SMYD3: variants seen among roughly 807,000 people sequenced by gnomAD.
SMYD3 encodes the protein histone-lysine N-methyltransferase SMYD3.
In SMYD3, 36 loss-of-function variants were observed where a neutral mutation model predicts 57.7. The ratio of observed to expected loss-of-function variants is 0.62; its 90% CI spans 0.48 to 0.82. The LOEUF is 0.82. Among genes scored for constraint, SMYD3 ranks in the 40% least tolerant of loss-of-function variants. SMYD3 has a pLI of 0.00. For missense variants in SMYD3, 515 were observed against 538.8 expected, an observed-to-expected ratio of 0.96 and a Z score of 0.44; for synonymous variants, 211 against 195.0, an observed-to-expected ratio of 1.08 and a Z score of -0.68.
At chr1:245,930,832 A>G (rs1024241953) in intron 5 of SMYD3, 5 of 152,210 alleles carry the variant, frequency 3.3e-5, no homozygotes, top group African/African-American at 1.2e-4. Context: ...AATGCCAAGG[A>G]GAGAAACAAG....
intron 5 of SMYD3, among the ~76,000 whole-genome samples, chr1:246,045,373 A>C (rs967707693): frequency 1.3e-5 from 2 of 152,120 alleles, no homozygotes; most frequent in African/African-American, 4.8e-5. Flanking sequence ...CAAAAAGAAG[A>C]AATGGGGAAA....
At chr1:245,839,587 A>C (rs554192887) in intron 10 of SMYD3, among the ~76,000 whole-genome samples, 1 of 152,164 alleles carries the variant, frequency 6.6e-6, no homozygotes, top group South Asian at 2.1e-4. Context: ...TTTCTGGGGG[A>C]GGGTAATTAA....
At chr1:246,177,560 TAAG>T (rs778123226) in intron 5 of SMYD3, among the ~76,000 whole-genome samples, 4 of 152,236 alleles carry the variant, frequency 2.6e-5, no homozygotes, top group Non-Finnish European at 4.4e-5. Context: ...AGAAAATGTT[TAAG>T]AAGAACAGCA....
At chr1:246,487,913 C>G (rs367962859) in intron 1 of SMYD3, among the ~76,000 whole-genome samples, 34 of 152,186 alleles carry the variant, frequency 2.2e-4, no homozygotes, top group East Asian at 1.4e-3. Flanking sequence ...AGGCTGGTCT[C>G]GAACTCCCAA....
intron 1 of SMYD3, among the ~76,000 whole-genome samples, chr1:246,415,707 C>A (rs1309424434): frequency 6.6e-6 from 1 of 152,196 alleles, no homozygotes; most frequent in Non-Finnish European, 1.5e-5. Context: ...TACAGGCACA[C>A]ACCATCATGC....
intron 4 of SMYD3, among the ~76,000 whole-genome samples, chr1:246,328,644 ATT>A (rs201447584): frequency 6.7e-6 from 1 of 149,654 alleles, no homozygotes; most frequent in Non-Finnish European, 1.5e-5. Flanking sequence ...ATGCTTGTTA[ATT>A]TTTTTTTGAT....
intron 1 of SMYD3, among the ~76,000 whole-genome samples, chr1:246,457,088 T>C (rs973225626): frequency 1.3e-5 from 2 of 152,216 alleles, no homozygotes; most frequent in African/African-American, 2.4e-5. Flanking sequence ...TTTTCTTGTA[T>C]AGACTTTTAA....
At chr1:245,812,779 GTCAC>G (rs894307522) in intron 10 of SMYD3, among the ~76,000 whole-genome samples, 3 of 151,324 alleles carry the variant, frequency 2.0e-5, no homozygotes, top group Non-Finnish European at 2.9e-5. Flanking sequence ...GAAGAAAGGG[GTCAC>G]TCACTCACTC....
At chr1:246,387,201 G>A (rs2066497364) in intron 1 of SMYD3, among the ~76,000 whole-genome samples, 1 of 152,158 alleles carries the variant, frequency 6.6e-6, no homozygotes, top group African/African-American at 2.4e-5. Context: ...CTTAGCATAT[G>A]GTATACGGTA....
intron 5 of SMYD3, among the ~76,000 whole-genome samples, chr1:246,183,065 T>G (rs2062579350): frequency 6.6e-6 from 1 of 152,168 alleles, no homozygotes; most frequent in South Asian, 2.1e-4. Context: ...TATTTTTGGC[T>G]TTTATCTAAG....
intron 1 of SMYD3, among the ~76,000 whole-genome samples, chr1:246,441,801 G>T (rs1449467339): frequency 6.6e-6 from 1 of 152,180 alleles, no homozygotes; most frequent in African/African-American, 2.4e-5. Context: ...TAGTAGAGAT[G>T]AGGTTTCACC....
At chr1:245,998,686 G>A (rs1052821541) in intron 5 of SMYD3, among the ~76,000 whole-genome samples, 3 of 152,042 alleles carry the variant, frequency 2.0e-5, no homozygotes, top group Admixed American at 1.3e-4. Context: ...CGAAAGCAGC[G>A]ACTCAACAGA....
intron 5 of SMYD3, among the ~76,000 whole-genome samples, chr1:246,248,442 T>A (rs2063743272): frequency 6.6e-6 from 1 of 152,084 alleles, no homozygotes; most frequent in African/African-American, 2.4e-5. Flanking sequence ...TTTTGGAAAG[T>A]AATTTGGGCA....
intron 5 of SMYD3, among the ~76,000 whole-genome samples, chr1:246,237,865 G>GAA (rs143629155): frequency 6.6e-6 from 1 of 151,840 alleles, no homozygotes; most frequent in South Asian, 2.1e-4. Context: ...TGCATTATTA[G>GAA]AAAAAAATAT....
At chr1:246,347,037 C>T (rs1385881869) in intron 2 of SMYD3, among the ~76,000 whole-genome samples, 3 of 151,838 alleles carry the variant, frequency 2.0e-5, no homozygotes, top group Non-Finnish European at 4.4e-5. Flanking sequence ...TAAAGAATGC[C>T]TTTGATATCT....
intron 5 of SMYD3, among the ~76,000 whole-genome samples, chr1:246,248,631 CTTTCCTTTTTT>C (rs2063746660): frequency 8.4e-6 from 1 of 119,270 alleles, no homozygotes; most frequent in South Asian, 3.0e-4. Context: ...AGCTCTCTGA[CTTTCCTTTTTT>C]TTTTTTTTTT....
chr1:246,495,975 T>C (rs1055029802), intron 1 of SMYD3, among the ~76,000 whole-genome samples: 7 of 150,912 alleles, frequency 4.6e-5, no homozygotes, highest in Non-Finnish European at 1.0e-4. Flanking sequence ...AAAATAATAA[T>C]AATAATAATA....
chr1:246,244,527 A>G (rs528729654), intron 5 of SMYD3, among the ~76,000 whole-genome samples: 1 of 152,322 alleles, frequency 6.6e-6, no homozygotes, highest in South Asian at 2.1e-4. Flanking sequence ...AGTATTTGTA[A>G]ATGCCTTATT....
At chr1:246,118,262 A>G (rs1401852290) in intron 5 of SMYD3, among the ~76,000 whole-genome samples, 1 of 152,250 alleles carries the variant, frequency 6.6e-6, no homozygotes, top group East Asian at 1.9e-4. Context: ...ATCATAAATG[A>G]TACCTTTAAG....
Sources: gnomAD v4.1 joint callset for allele counts (sites outside exome capture counted in the v4.1 genomes callset) on GRCh38, gnomAD v4.1.1 for gene constraint, MANE v1.5 for transcripts, NCBI Gene and HGNC (gene_info 2026-07-23, HGNC 2026-07-21) for gene names.